MOXD1: variants seen among roughly 807,000 people sequenced by gnomAD.
The protein encoded by MOXD1 is DBH-like monooxygenase protein 1.
Under a neutral mutation model 66.6 loss-of-function variants are expected in MOXD1, and 62 were observed. The observed-to-expected ratio is 0.93, with a 90% CI of 0.76 to 1.15. MOXD1 has a LOEUF of 1.15. Among genes scored for constraint, MOXD1 ranks in the 50% most tolerant of loss-of-function variants. The pLI, the probability that MOXD1 is intolerant of heterozygous loss-of-function variation, is 0.00. For missense variants in MOXD1, 847 were observed against 754.6 expected, an observed-to-expected ratio of 1.12 and a Z score of -1.44; for synonymous variants, 303 against 281.9, an observed-to-expected ratio of 1.07 and a Z score of -0.75.
At chr6:132,319,122 C>A (rs1775020611) in intron 9 of MOXD1, among the ~76,000 whole-genome samples, 1 of 151,786 alleles carries the variant, frequency 6.6e-6, no homozygotes, top group Admixed American at 6.6e-5. Context: ...TTTTGTCCTG[C>A]CTATTTTTAA....
intron 4 of MOXD1, among the ~76,000 whole-genome samples, chr6:132,333,884 AAAGAC>A (rs1262969478): frequency 6.6e-6 from 1 of 152,206 alleles, no homozygotes; most frequent in Non-Finnish European, 1.5e-5. Context: ...ACAGAAAGGG[AAAGAC>A]TTCAACCTGA....
chr6:132,306,964 A>G (rs532578763), intron 10 of MOXD1, among the ~76,000 whole-genome samples: 1 of 152,330 alleles, frequency 6.6e-6, no homozygotes, highest in East Asian at 1.9e-4. Flanking sequence ...CTAGTGTGCA[A>G]AATCATCAAA....
chr6:132,332,255 C>G (rs1775336206), intron 4 of MOXD1, among the ~76,000 whole-genome samples: 1 of 152,010 alleles, frequency 6.6e-6, no homozygotes, highest in Admixed American at 6.5e-5. Flanking sequence ...ATTTCCTAAG[C>G]AAAAACACCA....
In MOXD1 at chr6:132,372,602, A is replaced by G; in HGVS notation, c.663+6T>C. 1 of 1,605,338 alleles carries G rather than the reference A, an allele frequency of 6.2e-7. No individual in the cohort carries two copies. Among genetic ancestry groups the G allele is most frequent in the Non-Finnish European group, 8.5e-7 (1 of 1,172,068 alleles). ...ATTAATTTTAGCCTATGAATGAGTC[A>G]CATACCTTTATTACATGATGCTTTT... On this transcript the variant is annotated splice_donor_region_variant and intron_variant, in intron 4 of 11. Transcript: ENST00000367963.
At chr6:132,375,744 C>CAG (rs1242862581) in intron 1 of MOXD1, among the ~76,000 whole-genome samples, 1 of 152,138 alleles carries the variant, frequency 6.6e-6, no homozygotes, top group Non-Finnish European at 1.5e-5. Context: ...TTCTGGGAGG[C>CAG]AGACCAGTGC....
intron 4 of MOXD1, among the ~76,000 whole-genome samples, chr6:132,352,609 A>G (rs1281427704): frequency 6.6e-6 from 1 of 152,148 alleles, no homozygotes; most frequent in Non-Finnish European, 1.5e-5. Flanking sequence ...TGCATTCTGC[A>G]GTTGTTGGAT....
In MOXD1 at chr6:132,357,705, A is replaced by G. The variant is rs1215304452; in HGVS notation, c.663+14903T>C. Among the ~76,000 whole-genome samples the G allele has an allele frequency of 2.0e-5, 3 of 152,138 alleles. 1 individual carries two copies. The highest frequency in any genetic ancestry group is 2.0e-4 in the Admixed American group (3 of 15,280). On this transcript the variant is annotated intron_variant, in intron 4 of 11. Transcript: ENST00000367963. ...TTTAGAGCTTTTTGAAAAGCTTTAA[A>G]AATTATTTAATTATAGATAGTTAAG...
chr6:132,307,347 A>T (rs572921509), intron 10 of MOXD1, among the ~76,000 whole-genome samples: 81 of 152,356 alleles, frequency 5.3e-4, no homozygotes, highest in African/African-American at 1.9e-3. Flanking sequence ...CACTCAATAC[A>T]GGAGCACCCA....
rs1240233810 is a variant in MOXD1 at position 132,322,880 on chromosome 6, ACACCGAGGAAGACCCG to A, written c.1114-26_1114-11del. 6.2e-7 allele frequency: 1 copy of A among 1,602,276 alleles called. No homozygotes were observed. Among genetic ancestry groups the A allele is most frequent in the South Asian group, 1.1e-5 (1 of 89,052 alleles). On this transcript the variant is annotated splice_polypyrimidine_tract_variant and intron_variant, in intron 7 of 11. Transcript: ENST00000367963. ...TTTCGGCTTCCAGAGCCTACAGGAG[ACACCGAGGAAGACCCG>A]ATTAGCCCACATTAATGCATGTTCA...
At position 132,320,583 on chromosome 6, in the gene MOXD1, C is replaced by T. The variant is rs897113220; in HGVS notation, c.1365+46G>A. 9.7e-6 allele frequency: 14 copies of T among 1,436,632 alleles called. No homozygotes were observed. The East Asian group carries it at 1.2e-4, about 13-fold the overall frequency. 89.0% of individuals were successfully genotyped at this position (1,436,632 alleles called of 1,614,324 possible). A position where few individuals can be genotyped will look rare whatever the true frequency, so the allele number is the denominator to read the frequency against. ...TTTTCTTCTAAAATCAAGTTTATTTCTTTCTCTCCATAAATGAACTTTAAT... is the reference window on the plus strand; with the variant it reads ...TTTTCTTCTAAAATCAAGTTTATTTTTTTCTCTCCATAAATGAACTTTAAT... On this transcript the variant is annotated intron_variant, in intron 9 of 11. Coordinates refer to ENST00000367963, the MANE Select transcript of MOXD1 (RefSeq NM_015529.4).
intron 1 of MOXD1, among the ~76,000 whole-genome samples, chr6:132,384,957 C>A (rs1208545958): frequency 6.6e-6 from 1 of 152,204 alleles, no homozygotes; most frequent in African/African-American, 2.4e-5. Context: ...AGTTGGAAGA[C>A]ACTCAGGAGC....
chr6:132,391,524 G>T (rs1217895921), intron 1 of MOXD1: 1 of 151,948 alleles, frequency 6.6e-6, no homozygotes, highest in Non-Finnish European at 1.5e-5. Flanking sequence ...CTGTTTAAAA[G>T]TTCTTTACCA....
rs567277739 is a variant in MOXD1, at chr6:132,321,194, G to A, written c.1306-506C>T. ...GCAGAGAATTGCTTGAACCCAGGAG[G>A]TGGAGGTTGCAGTGAGCCGAGATCG... On this transcript the variant is annotated intron_variant, in intron 8 of 11. Coordinates refer to ENST00000367963, the MANE Select transcript of MOXD1 (RefSeq NM_015529.4). Among the ~76,000 whole-genome samples, 5 of 151,976 alleles carry A rather than the reference G, an allele frequency of 3.3e-5. No homozygotes were observed. The East Asian group carries it at 9.7e-4, about 30-fold the overall frequency.
At chr6:132,392,719 T>C (rs564025545) in intron 1 of MOXD1, among the ~76,000 whole-genome samples, 1 of 152,358 alleles carries the variant, frequency 6.6e-6, no homozygotes, top group South Asian at 2.1e-4. Flanking sequence ...TCCACAAGCA[T>C]GAGCTGCTCC....
chr6:132,369,551 G>A (rs1314415643), intron 4 of MOXD1, among the ~76,000 whole-genome samples: 1 of 151,700 alleles, frequency 6.6e-6, no homozygotes, highest in Non-Finnish European at 1.5e-5. Flanking sequence ...GGGCATATCT[G>A]AATTGCTAGC....
chr6:132,378,852 T>G (rs944504537), intron 1 of MOXD1, among the ~76,000 whole-genome samples: 2 of 135,408 alleles, frequency 1.5e-5, no homozygotes, highest in African/African-American at 2.6e-5. Context: ...TTCTGGAAAA[T>G]GAAAGAGGAC....
chr6:132,400,324 C>T (rs1367350273), intron 1 of MOXD1, among the ~76,000 whole-genome samples: 1 of 152,076 alleles, frequency 6.6e-6, no homozygotes, highest in East Asian at 1.9e-4. Flanking sequence ...GTACGTTCAC[C>T]GCCATCCAAA....
intron 4 of MOXD1, among the ~76,000 whole-genome samples, chr6:132,345,505 G>C (rs1220457509): frequency 6.6e-6 from 1 of 152,030 alleles, no homozygotes; most frequent in Non-Finnish European, 1.5e-5. Flanking sequence ...CAAAATGTTA[G>C]TTCTCATAAT....
At chr6:132,319,626 T>C (rs1775032684) in intron 9 of MOXD1, among the ~76,000 whole-genome samples, 1 of 152,042 alleles carries the variant, frequency 6.6e-6, no homozygotes, top group South Asian at 2.1e-4. Flanking sequence ...GTGTTTTGCT[T>C]CTTCACTTCT....
Sources: allele counts gnomAD v4.1 joint callset (sites outside exome capture counted in the v4.1 genomes callset), GRCh38; gene constraint gnomAD v4.1.1; transcripts MANE v1.5; gene names NCBI Gene and HGNC (gene_info 2026-07-23, HGNC 2026-07-21).